The following CNTNAP5 variants were observed in gnomAD, a reference collection of about 807,000 sequenced individuals.
The protein encoded by CNTNAP5 is contactin-associated protein-like 5.
A neutral mutation model predicts 150.2 loss-of-function variants in CNTNAP5; 72 were observed. The observed-to-expected ratio is 0.48, with a 90% CI of 0.40 to 0.58. The LOEUF is 0.58. Among genes scored for constraint, CNTNAP5 ranks in the 20% least tolerant of loss-of-function variants. The pLI, the probability that CNTNAP5 is intolerant of heterozygous loss-of-function variation, is 0.00. For synonymous variants in CNTNAP5, 672 were observed against 619.8 expected (o/e 1.08, Z -1.25); for missense variants, 1,636 against 1,626.2 (o/e 1.01, Z -0.10).
At chr2:124,897,944 T>TA in intron 21 of CNTNAP5, among the ~76,000 whole-genome samples, 1 of 112,662 alleles carries the variant, frequency 8.9e-6, no homozygotes, top group African/African-American at 3.4e-5. Context: ...CAAGTGTGTG[T>TA]GTGTGTGTGT....
chr2:124,661,126 C>A (rs11899582), intron 13 of CNTNAP5, among the ~76,000 whole-genome samples: 1 of 151,996 alleles, frequency 6.6e-6, no homozygotes, highest in Non-Finnish European at 1.5e-5. Context: ...AAACACTGCA[C>A]ACTTAGGCTA....
At chr2:124,500,675 G>C (rs1012399814) in intron 7 of CNTNAP5, among the ~76,000 whole-genome samples, 6 of 152,132 alleles carry the variant, frequency 3.9e-5, no homozygotes, top group African/African-American at 1.4e-4. Flanking sequence ...GTTAGATCAA[G>C]GAAAGAGTCT....
chr2:124,167,914 C>T (rs1049850918), intron 1 of CNTNAP5, among the ~76,000 whole-genome samples: 1 of 152,074 alleles, frequency 6.6e-6, no homozygotes, highest in Non-Finnish European at 1.5e-5. Context: ...CCAGAGGAGA[C>T]AGAAGGAAAT....
At chr2:124,332,730 C>G (rs1208658805) in intron 3 of CNTNAP5, among the ~76,000 whole-genome samples, 1 of 151,912 alleles carries the variant, frequency 6.6e-6, no homozygotes, top group African/African-American at 2.4e-5. Flanking sequence ...CATTTCTAAA[C>G]TTTTATTCCA....
chr2:124,760,442 CA>C (rs1256552802), intron 14 of CNTNAP5, among the ~76,000 whole-genome samples: 1 of 152,016 alleles, frequency 6.6e-6, no homozygotes, highest in Non-Finnish European at 1.5e-5. Flanking sequence ...GACATTTCAT[CA>C]AACCTGAATG....
At chr2:124,495,049 T>C (rs1694114270) in intron 7 of CNTNAP5, among the ~76,000 whole-genome samples, 1 of 152,174 alleles carries the variant, frequency 6.6e-6, no homozygotes, top group Non-Finnish European at 1.5e-5. Context: ...GCCTACATAT[T>C]TATATGGGTA....
At chr2:124,421,392 A>G (rs978902674) in intron 4 of CNTNAP5, among the ~76,000 whole-genome samples, 1 of 152,224 alleles carries the variant, frequency 6.6e-6, no homozygotes, top group East Asian at 1.9e-4. Flanking sequence ...CCACTTGTCT[A>G]TGCAAAACTC....
intron 3 of CNTNAP5, among the ~76,000 whole-genome samples, chr2:124,359,502 G>T (rs2104712669): frequency 6.6e-6 from 1 of 151,310 alleles, no homozygotes; most frequent in East Asian, 1.9e-4. Flanking sequence ...CTGGTATGTT[G>T]TGTCTTTGTT....
At chr2:124,543,997 T>C (rs923597901) in intron 10 of CNTNAP5, among the ~76,000 whole-genome samples, 2 of 152,042 alleles carry the variant, frequency 1.3e-5, no homozygotes, top group African/African-American at 4.8e-5. Flanking sequence ...TAGAGAACTA[T>C]AATAAAATAT....
chr2:124,106,355 G>A (rs1683172845), intron 1 of CNTNAP5, among the ~76,000 whole-genome samples: 1 of 152,144 alleles, frequency 6.6e-6, no homozygotes, highest in South Asian at 2.1e-4. Context: ...ATGGAGGCTG[G>A]GCACCAGCAA....
At chr2:124,455,942 G>A (rs555946407) in intron 6 of CNTNAP5, among the ~76,000 whole-genome samples, 2 of 152,188 alleles carry the variant, frequency 1.3e-5, no homozygotes, top group African/African-American at 4.8e-5. Flanking sequence ...TCTGTGACAA[G>A]CCCACATGCA....
At position 124,178,067 on chromosome 2, in the gene CNTNAP5, G is replaced by A. The variant is rs186641445; in HGVS notation, c.83-43638G>A. Among the ~76,000 whole-genome samples the A allele has an allele frequency of 1.0e-3, 159 of 151,876 alleles. 1 individual carries two copies. The East Asian group carries it at 0.015, about 14-fold the overall frequency. ...TTACTATGTTGGCCAGGCTGGTCTC[G>A]AACTCCTGACCTTACGTGATCCACC... On this transcript the variant is annotated intron_variant, in intron 1 of 23. Coordinates refer to ENST00000682447, the MANE Select transcript of CNTNAP5 (RefSeq NM_001367498.1).
At chr2:124,127,146 A>G (rs186277493) in intron 1 of CNTNAP5, among the ~76,000 whole-genome samples, 58 of 152,316 alleles carry the variant, frequency 3.8e-4, no homozygotes, top group African/African-American at 1.3e-3. Context: ...GACATATTGT[A>G]TATTTAGAAA....
chr2:124,885,413 T>C (rs1678058175), intron 21 of CNTNAP5, among the ~76,000 whole-genome samples: 1 of 152,028 alleles, frequency 6.6e-6, no homozygotes, highest in Admixed American at 6.6e-5. Context: ...CAGACCATTA[T>C]AATACCCTCT....
At chr2:124,905,038 C>CAAAAAAAA (rs55882801) in intron 22 of CNTNAP5, among the ~76,000 whole-genome samples, 26 of 49,878 alleles carry the variant, frequency 5.2e-4, no homozygotes, top group East Asian at 9.0e-4. Flanking sequence ...AACTCAATAG[C>CAAAAAAAA]AAAAAAAAAA....
At chr2:124,281,085 A>G (rs1688001468) in intron 3 of CNTNAP5, among the ~76,000 whole-genome samples, 1 of 152,110 alleles carries the variant, frequency 6.6e-6, no homozygotes, top group Non-Finnish European at 1.5e-5. Flanking sequence ...TATTTATTGA[A>G]CTCCTGTAAC....
intron 19 of CNTNAP5, among the ~76,000 whole-genome samples, chr2:124,826,962 C>G (rs1001202879): frequency 7.2e-5 from 11 of 152,008 alleles, no homozygotes; most frequent in African/African-American, 2.7e-4. Context: ...GTTCTGCCAC[C>G]CAGGCTGGAG....
intron 20 of CNTNAP5, 62 bp downstream of exon 20, chr2:124,865,498 T>C (rs1677612902): frequency 6.7e-7 from 1 of 1,485,764 alleles, no homozygotes; most frequent in Non-Finnish European, 9.2e-7. Context: ...CAAACTTTTC[T>C]AAGCTTCTAC....
chr2:124,756,414 C>T (rs1310824981), intron 14 of CNTNAP5, among the ~76,000 whole-genome samples: 4 of 151,996 alleles, frequency 2.6e-5, no homozygotes, highest in East Asian at 1.9e-4. Flanking sequence ...CATTACTGGG[C>T]GTATACCCAA....
Sources: gnomAD v4.1 joint callset for allele counts (sites outside exome capture counted in the v4.1 genomes callset) on GRCh38, gnomAD v4.1.1 for gene constraint, MANE v1.5 for transcripts, NCBI Gene and HGNC (gene_info 2026-07-23, HGNC 2026-07-21) for gene names.